MAPK8: variants seen among roughly 807,000 people sequenced by gnomAD.
MAPK8 encodes the protein JUN N-terminal kinase.
In MAPK8, 13 loss-of-function variants were observed where a neutral mutation model predicts 52.9. That is an observed-to-expected ratio of 0.25 (90% CI 0.16 to 0.39). The LOEUF (loss-of-function observed/expected upper bound fraction) is 0.39, where lower values mean the gene tolerates loss of function less well. Among genes scored for constraint, MAPK8 ranks in the 10% least tolerant of loss-of-function variants. The pLI is 1.00. For synonymous variants in MAPK8, 191 were observed against 169.8 expected (o/e 1.12, Z -0.97); for missense variants, 300 against 519.2 (o/e 0.58, Z 4.10).
At chr10:48,324,324 T>C (rs1843267142) in intron 1 of MAPK8, among the ~76,000 whole-genome samples, 1 of 152,170 alleles carries the variant, frequency 6.6e-6, no homozygotes, top group African/African-American at 2.4e-5. Flanking sequence ...AGTGTTCAAA[T>C]TGATGTTTCT....
chr10:48,341,484 T>A (rs1274372701), intron 1 of MAPK8, among the ~76,000 whole-genome samples: 1 of 152,238 alleles, frequency 6.6e-6, no homozygotes, highest in Non-Finnish European at 1.5e-5. Context: ...ATAATGCAGA[T>A]ATTCCAAAAT....
At chr10:48,353,949 T>C (rs1846587248) in intron 1 of MAPK8, among the ~76,000 whole-genome samples, 1 of 152,210 alleles carries the variant, frequency 6.6e-6, no homozygotes, top group Non-Finnish European at 1.5e-5. Context: ...GTTTTGTATC[T>C]TGATTGTGAT....
At chr10:48,337,393 C>CG (rs1466402584) in intron 1 of MAPK8, among the ~76,000 whole-genome samples, 2 of 46,070 alleles carry the variant, frequency 4.3e-5, no homozygotes, top group Non-Finnish European at 7.2e-5. Flanking sequence ...GGCAGAAATA[C>CG]AATTTTTTTT....
At position 48,412,092 on chromosome 10, in the gene MAPK8, C is replaced by T. The variant is rs183167675; in HGVS notation, c.450+1924C>T. On this transcript the variant is annotated intron_variant, in intron 5 of 11. Transcript: ENST00000374189. ...AACCCCTGACCTCAAGTGATCTGCC[C>T]GCCTTGGCCTCCCAGAGTGCTGGGA... Among the ~76,000 whole-genome samples, 211 of 152,248 alleles carry T rather than the reference C, an allele frequency of 1.4e-3. 1 individual carries two copies. In the East Asian group the frequency reaches 0.017, roughly 12 times the overall value.
intron 3 of MAPK8, among the ~76,000 whole-genome samples, chr10:48,409,613 T>C (rs1423995563): frequency 6.6e-6 from 1 of 152,202 alleles, no homozygotes; most frequent in Non-Finnish European, 1.5e-5. Context: ...GTTTGTATAA[T>C]GTAAGTGCTT....
At chr10:48,412,485 T>C (rs1372582341) in intron 5 of MAPK8, among the ~76,000 whole-genome samples, 1 of 152,230 alleles carries the variant, frequency 6.6e-6, no homozygotes, top group Non-Finnish European at 1.5e-5. Flanking sequence ...AAATATTTTT[T>C]CTGCTCATTT....
At chr10:48,366,678 C>G (rs963196658) in intron 1 of MAPK8, among the ~76,000 whole-genome samples, 2 of 152,092 alleles carry the variant, frequency 1.3e-5, no homozygotes, top group African/African-American at 2.4e-5. Context: ...TCTTTATTCT[C>G]TTCTATTTCA....
chr10:48,401,203 A>G lies in MAPK8; in HGVS notation c.-49-409A>G, dbSNP rs112609235. 1.2e-4 allele frequency among the ~76,000 whole-genome samples: 19 copies of G among 152,288 alleles called. No homozygotes were observed. In the South Asian group the frequency reaches 3.9e-3, roughly 32 times the overall value. On this transcript the variant is annotated intron_variant, in intron 1 of 11. Transcript: ENST00000374189. ...ATGAGACTTAACCATTTTTGAATCAAAGTTTATAAATTTCTTACAAAAATT... is the reference window on the plus strand; with the variant it reads ...ATGAGACTTAACCATTTTTGAATCAGAGTTTATAAATTTCTTACAAAAATT...
At chr10:48,406,207 T>C (rs1053705656) in intron 3 of MAPK8, among the ~76,000 whole-genome samples, 2 of 152,124 alleles carry the variant, frequency 1.3e-5, no homozygotes, top group Non-Finnish European at 2.9e-5. Context: ...GAGACAAAGA[T>C]TAAACTTAGA....
intron 1 of MAPK8, among the ~76,000 whole-genome samples, chr10:48,351,184 A>G (rs1002426909): frequency 6.6e-6 from 1 of 152,096 alleles, no homozygotes; most frequent in Admixed American, 6.5e-5. Flanking sequence ...GAAAATGACC[A>G]TACTGCTCTA....
rs73293156 is a variant in MAPK8 at position 48,322,643 on chromosome 10, T to C, written c.-50+15822T>C. 4.2e-3 allele frequency among the ~76,000 whole-genome samples: 628 copies of C among 151,100 alleles called. 6 individuals carry two copies. The highest frequency in any genetic ancestry group is 0.017 in the East Asian group (89 of 5,174). On this transcript the variant is annotated intron_variant, in intron 1 of 11. Transcript: ENST00000374189. ...TTATCAGCCCCACATGCCCCCACCC[T>C]CACACTTTCTTGGGCCCTTAACTCC...
intron 1 of MAPK8, among the ~76,000 whole-genome samples, chr10:48,362,597 A>C (rs1262470238): frequency 6.6e-6 from 1 of 151,872 alleles, no homozygotes; most frequent in Non-Finnish European, 1.5e-5. Context: ...AAAATCATTA[A>C]ATTTTAGTTA....
Position 48,338,159 on chromosome 10 carries a change from G to T in MAPK8, c.-50+31338G>T, listed in dbSNP as rs76402292. The stretch of plus-strand genomic sequence containing the variant: ...GGACACAACAACAAAAAGAAAAACA[G>T]AAATGCAGGCCAGCATCCCTGATGA... On this transcript the variant is annotated intron_variant, in intron 1 of 11. Coordinates refer to ENST00000374189, the MANE Select transcript of MAPK8 (RefSeq NM_001323329.2). Among the ~76,000 whole-genome samples, 15 of 122,006 alleles carry T rather than the reference G, an allele frequency of 1.2e-4. No individual in the cohort carries two copies. In the Admixed American group the frequency reaches 1.3e-3, roughly 10 times the overall value. The allele number at this position is 122,006 out of a possible 152,430, so 80.0% of individuals were successfully genotyped here.
chr10:48,419,787 AT>A (rs1321370033), intron 5 of MAPK8, among the ~76,000 whole-genome samples: 6 of 152,216 alleles, frequency 3.9e-5, no homozygotes, highest in Non-Finnish European at 7.3e-5. Context: ...AATATTGGTA[AT>A]ATGTTATGCA....
chr10:48,365,758 A>G (rs1180977648), intron 1 of MAPK8, among the ~76,000 whole-genome samples: 1 of 152,168 alleles, frequency 6.6e-6, no homozygotes, highest in Non-Finnish European at 1.5e-5. Context: ...CCTAAATGAT[A>G]TTTTAGATAT....
chr10:48,353,304 T>G (rs1023899730), intron 1 of MAPK8, among the ~76,000 whole-genome samples: 2 of 152,144 alleles, frequency 1.3e-5, no homozygotes, highest in African/African-American at 4.8e-5. Flanking sequence ...TTGAAAAAGA[T>G]AAGGTGGGAG....
intron 1 of MAPK8, among the ~76,000 whole-genome samples, chr10:48,329,724 G>A (rs777890837): frequency 3.9e-5 from 6 of 152,094 alleles, no homozygotes; most frequent in Non-Finnish European, 8.8e-5. Context: ...GGAAATCCTA[G>A]ATTCTTAGAT....
At chr10:48,421,248 G>A (rs2043337299) in intron 6 of MAPK8, among the ~76,000 whole-genome samples, 1 of 152,072 alleles carries the variant, frequency 6.6e-6, no homozygotes, top group Admixed American at 6.5e-5. Flanking sequence ...TTTCTGAGCT[G>A]ATTAAAAACA....
chr10:48,429,740 A>G (rs570283048), intron 10 of MAPK8, among the ~76,000 whole-genome samples: 3 of 152,370 alleles, frequency 2.0e-5, no homozygotes, highest in Non-Finnish European at 4.4e-5. Context: ...TTACTATAGC[A>G]AACAAACTTA....
Sources: gnomAD v4.1 joint callset for allele counts (sites outside exome capture counted in the v4.1 genomes callset) on GRCh38, gnomAD v4.1.1 for gene constraint, MANE v1.5 for transcripts, NCBI Gene and HGNC (gene_info 2026-07-23, HGNC 2026-07-21) for gene names.